Variants in CDH23 observed in about 807,000 individuals in gnomAD.
The protein encoded by CDH23 is cadherin related 23.
Under a neutral mutation model 317.1 loss-of-function variants are expected in CDH23, and 189 were observed. That is an observed-to-expected ratio of 0.60 (90% CI 0.53 to 0.67). The LOEUF (loss-of-function observed/expected upper bound fraction) is 0.67. Ranked by LOEUF, CDH23 falls within the 30% of genes least tolerant of loss-of-function variation. The pLI, the probability that CDH23 is intolerant of heterozygous loss-of-function variation, is 0.00. For missense variants in CDH23, 4,401 were observed against 4,592.4 expected, an observed-to-expected ratio of 0.96 and a Z score of 1.20; for synonymous variants, 1,839 against 1,876.8, an observed-to-expected ratio of 0.98 and a Z score of 0.52.
intron 6 of CDH23, among the ~76,000 whole-genome samples, chr10:71,529,418 G>C (rs911591761): frequency 6.6e-6 from 1 of 152,150 alleles, no homozygotes. Flanking sequence ...ATGCAGCCCA[G>C]CACTGCTCAC....
At chr10:71,403,937 A>G (rs1044156381) in intron 1 of CDH23, among the ~76,000 whole-genome samples, 4 of 152,082 alleles carry the variant, frequency 2.6e-5, no homozygotes, top group Admixed American at 2.6e-4. Flanking sequence ...TAAAAACGTA[A>G]AACATTTAGC....
At chr10:71,454,007 T>C (rs1374231609) in intron 3 of CDH23, among the ~76,000 whole-genome samples, 1 of 152,196 alleles carries the variant, frequency 6.6e-6, no homozygotes, top group Non-Finnish European at 1.5e-5. Context: ...GGAGTTAAGA[T>C]GGGAGGTAGA....
intron 1 of CDH23, among the ~76,000 whole-genome samples, chr10:71,403,399 CT>C (rs1405096526): frequency 1.1e-5 from 1 of 88,610 alleles, no homozygotes; most frequent in East Asian, 3.2e-4. Flanking sequence ...TTCTTTCTTT[CT>C]TTCTTTCTCT....
At chr10:71,529,343 G>A (rs1436169211) in intron 6 of CDH23, among the ~76,000 whole-genome samples, 3 of 152,146 alleles carry the variant, frequency 2.0e-5, no homozygotes, top group Non-Finnish European at 4.4e-5. Context: ...AGCCAGTTCT[G>A]GAGCAGGGCC....
chr10:71,638,327 A>G (rs1305964934), intron 11 of CDH23, among the ~76,000 whole-genome samples: 1 of 152,164 alleles, frequency 6.6e-6, no homozygotes, highest in East Asian at 1.9e-4. Flanking sequence ...GAGAGAGACA[A>G]ACATCCCGGA....
At chr10:71,746,644 G>A (rs1589392668) in intron 38 of CDH23, among the ~76,000 whole-genome samples, 1 of 152,232 alleles carries the variant, frequency 6.6e-6, no homozygotes, top group Non-Finnish European at 1.5e-5. Context: ...AGGGCGGAAG[G>A]TAACTGGGAG....
chr10:71,665,105 G>A (rs1863831698), intron 14 of CDH23, among the ~76,000 whole-genome samples: 1 of 152,202 alleles, frequency 6.6e-6, no homozygotes, highest in Non-Finnish European at 1.5e-5. Context: ...GGGTGCTGGG[G>A]ATCCCTGGGA....
At chr10:71,628,228 G>A (rs375269684) in intron 11 of CDH23, among the ~76,000 whole-genome samples, 69 of 152,354 alleles carry the variant, frequency 4.5e-4, no homozygotes, top group African/African-American at 1.6e-3. Flanking sequence ...GCAACAGTGG[G>A]CCACCAGGAA....
At chr10:71,713,318 A>G in intron 28 of CDH23, 1 of 778,368 alleles carries the variant, frequency 1.3e-6, no homozygotes, top group Non-Finnish European at 2.4e-6. Flanking sequence ...GAGGACCCTG[A>G]AAACAATTTG....
intron 56 of CDH23, 34 bp from the exon 57 acceptor site, chr10:71,806,134 G>C (rs1173992668): frequency 6.5e-7 from 1 of 1,543,810 alleles, no homozygotes; most frequent in Middle Eastern, 1.7e-4. Context: ...CCCTCTCCCA[G>C]TCTTTTCCTC....
At chr10:71,488,683 G>C (rs72813906) in intron 3 of CDH23, among the ~76,000 whole-genome samples, 395 of 152,332 alleles carry the variant, frequency 2.6e-3, no homozygotes, top group Non-Finnish European at 4.7e-3. Flanking sequence ...TGGGAACTGA[G>C]AAAGCTCCCT....
chr10:71,617,157 G>T, intron 10 of CDH23, 48 bp from the exon 11 acceptor site: 3 of 1,573,452 alleles, frequency 1.9e-6, no homozygotes, highest in Non-Finnish European at 2.6e-6. Flanking sequence ...AAGAGCTGTT[G>T]CTGTGATTAG....
chr10:71,747,704 T>A (rs1235661132), intron 38 of CDH23: 2 of 152,258 alleles, frequency 1.3e-5, no homozygotes, highest in Non-Finnish European at 2.9e-5. Flanking sequence ...CATGTGAAAG[T>A]GTGTTGGAAA....
intron 1 of CDH23, among the ~76,000 whole-genome samples, chr10:71,432,806 T>A (rs1849458630): frequency 6.6e-6 from 1 of 152,152 alleles, no homozygotes; most frequent in South Asian, 2.1e-4. Context: ...CCTCCCGAGC[T>A]GGGACCCACG....
At chr10:71,712,555 G>A in intron 27 of CDH23, 110 bp from the exon 28 acceptor site, 3 of 1,266,356 alleles carry the variant, frequency 2.4e-6, no homozygotes, top group Non-Finnish European at 3.3e-6. Context: ...AGGGCAGATG[G>A]GGCGGAACAG....
intron 38 of CDH23, chr10:71,761,686 G>A (rs773460839): frequency 2.1e-5 from 34 of 1,613,892 alleles, no homozygotes; most frequent in African/African-American, 1.5e-4. Flanking sequence ...AGTAGAGGCC[G>A]CTATCCAGCA....
chr10:71,786,463 A>G (rs1399903516), intron 44 of CDH23, among the ~76,000 whole-genome samples: 1 of 144,968 alleles, frequency 6.9e-6, no homozygotes, highest in African/African-American at 2.6e-5. Flanking sequence ...TGCCCCTCCC[A>G]TGTGGTGCTC....
rs747433704 is a variant in CDH23, at chr10:71,761,926, G to A, written c.4846-15754G>A. On this transcript the variant is annotated intron_variant, in intron 38 of 69. Transcript: ENST00000224721. ...TGTAGAAGGTCACATCGTGCCCTTT[G>A]TCCACAGGGCCCAAGAGCCTGCAGG... is the stretch of plus-strand genomic sequence containing the variant. 3.7e-6 allele frequency: 6 copies of A among 1,614,064 alleles called. No homozygotes were observed. The Admixed American group carries it at 6.7e-5, about 18-fold the overall frequency.
intron 28 of CDH23, among the ~76,000 whole-genome samples, chr10:71,718,807 C>T (rs981768560): frequency 6.6e-6 from 1 of 152,124 alleles, no homozygotes; most frequent in Non-Finnish European, 1.5e-5. Context: ...TGGCTCTCAC[C>T]TGTAATCCCA....
Sources: allele counts gnomAD v4.1 joint callset (sites outside exome capture counted in the v4.1 genomes callset), GRCh38; gene constraint gnomAD v4.1.1; transcripts MANE v1.5; gene names NCBI Gene and HGNC (gene_info 2026-07-23, HGNC 2026-07-21).